Variants in RBM27 observed in about 807,000 individuals in gnomAD.
RBM27 encodes RNA-binding protein 27.
In RBM27, 22 loss-of-function variants were observed where a neutral mutation model predicts 135.3. That is an observed-to-expected ratio of 0.16 (90% confidence interval 0.12 to 0.23). RBM27 has a LOEUF of 0.23. RBM27 is among the 10% of genes least tolerant of loss of function. RBM27 has a pLI of 1.00. For synonymous variants in RBM27, 481 were observed against 442.4 expected (o/e 1.09, Z -1.10); for missense variants, 1,009 against 1,281.0 (o/e 0.79, Z 3.24).
At chr5:146,283,482 A>C (rs1438688885) in intron 19 of RBM27, among the ~76,000 whole-genome samples, 1 of 151,954 alleles carries the variant, frequency 6.6e-6, no homozygotes, top group Non-Finnish European at 1.5e-5. Context: ...GGCTGCAGTG[A>C]GTGTGATCTT....
At chr5:146,207,462 C>T (rs2126665775) in intron 1 of RBM27, among the ~76,000 whole-genome samples, 1 of 151,844 alleles carries the variant, frequency 6.6e-6, no homozygotes, top group South Asian at 2.1e-4. Flanking sequence ...GATCCACCTG[C>T]TTGGCCTTCC....
rs1315486020 is a variant in RBM27 at position 146,230,584 on chromosome 5, AAAAT to A, written c.590-67_590-64del. 2.7e-6 allele frequency: 4 copies of A among 1,472,806 alleles called. No homozygotes were observed. In the African/African-American group the frequency reaches 4.2e-5, roughly 16 times the overall value. The allele number at this position is 1,472,806 out of a possible 1,614,324, so 91.2% of individuals were successfully genotyped here. ...AACATTCTCATGTTTTCTATGTGAG[AAAAT>A]AAATATAGTTTAAGAACATGAAATA... is the stretch of plus-strand genomic sequence containing the variant. On this transcript the variant is annotated intron_variant, in intron 5 of 20. Transcript: ENST00000265271.
intron 7 of RBM27, among the ~76,000 whole-genome samples, chr5:146,234,968 G>T (rs908467166): frequency 2.6e-5 from 4 of 151,522 alleles, no homozygotes; most frequent in African/African-American, 7.3e-5. Flanking sequence ...TGGGAGACAG[G>T]TTGCAGTGAG....
At position 146,288,656 on chromosome 5, in the gene RBM27, T is replaced by C. The variant is rs1156316062; in HGVS notation, c.*2626T>C. ...CTAAAGCAAGTTCTGTCCCTCTTAA[T>C]GTGTATGACATCTTTTTAAGTAGCT... On this transcript the variant is annotated 3_prime_UTR_variant, in exon 21 of 21. Coordinates refer to ENST00000265271, the MANE Select transcript of RBM27 (RefSeq NM_018989.2). 6.6e-6 allele frequency: 1 copy of C among 152,124 alleles called. No individual in the cohort carries two copies. The highest frequency in any genetic ancestry group is 1.5e-5 in the Non-Finnish European group (1 of 67,954). 9.4% of individuals were successfully genotyped at this position (152,124 alleles called of 1,614,324 possible). A position where few individuals can be genotyped will look rare whatever the true frequency, so the allele number is the denominator to read the frequency against.
chr5:146,279,976 G>T (rs1183298904), intron 19 of RBM27, among the ~76,000 whole-genome samples: 1 of 151,822 alleles, frequency 6.6e-6, no homozygotes, highest in African/African-American at 2.4e-5. Context: ...TTACGAAAAT[G>T]TGATCGTATT....
Position 146,286,753 on chromosome 5 carries a change from G to A in RBM27, c.*723G>A, listed in dbSNP as rs2126932040. 6.6e-6 allele frequency: 1 copy of A among 152,152 alleles called. No individual in the cohort carries two copies. 9.4% of individuals were successfully genotyped at this position (152,152 alleles called of 1,614,324 possible). On this transcript the variant is annotated 3_prime_UTR_variant, in exon 21 of 21. Transcript: ENST00000265271. Reference sequence around the variant, plus strand: ...GATTCTTAGTTTGCTTTGATATTTAGTGAGCGCTGGTTCGGCTGGTCTTTT... The same window carrying A: ...GATTCTTAGTTTGCTTTGATATTTAATGAGCGCTGGTTCGGCTGGTCTTTT...
In RBM27 at chr5:146,267,741, T is replaced by A; in HGVS notation, c.2424T>A (p.Asp808Glu). The change falls in exon 15 of 21, where the codon GAT becomes GAA. Residue 808 changes from aspartate (D) to glutamate (E), a missense_variant. Asp to Glu is a conservative substitution (Grantham distance 45). This residue lies in a region of RBM27 where 355 missense variants were observed against 427.3 expected (regional missense o/e 0.83). Transcript: ENST00000265271. ...SKLCSGSKSHDVQEVLKKKQE... is the reference protein window; with the variant it reads ...SKLCSGSKSHEVQEVLKKKQE... ...TCTGTTCAGGGTCTAAATCTCATGA[T>A]GTTCAAGAAGTGCTTAAAAAAAAAC... The A allele has an allele frequency of 6.2e-7, 1 of 1,609,198 alleles. No individual in the cohort carries two copies. The highest frequency in any genetic ancestry group is 8.5e-7 in the Non-Finnish European group (1 of 1,178,248).
At chr5:146,271,864 C>T (rs1423563365) in intron 19 of RBM27, among the ~76,000 whole-genome samples, 190 bp downstream of exon 19, 1 of 152,194 alleles carries the variant, frequency 6.6e-6, no homozygotes, top group African/African-American at 2.4e-5. Flanking sequence ...TTCCATAATA[C>T]TCCACTTAAG....
chr5:146,220,945 C>T (rs1406634961), intron 2 of RBM27, among the ~76,000 whole-genome samples: 4 of 151,908 alleles, frequency 2.6e-5, no homozygotes, highest in Admixed American at 2.0e-4. Context: ...TGGCCAGGCG[C>T]GGTGGCTCAT....
intron 14 of RBM27, 142 bp from the exon 15 acceptor site, chr5:146,267,507 A>G: frequency 3.5e-6 from 2 of 568,870 alleles, no homozygotes; most frequent in Admixed American, 3.5e-5. Context: ...ACTAGATTTT[A>G]TAATGAAATT....
intron 19 of RBM27, among the ~76,000 whole-genome samples, chr5:146,278,573 G>GGCAAAAGTT (rs1759193037): frequency 6.6e-6 from 1 of 151,954 alleles, no homozygotes; most frequent in African/African-American, 2.4e-5. Flanking sequence ...TTTGCCATAT[G>GGCAAAAGTT]TACTTTTACT....
At chr5:146,255,946 C>T (rs1027052133) in intron 10 of RBM27, among the ~76,000 whole-genome samples, 2 of 151,588 alleles carry the variant, frequency 1.3e-5, no homozygotes, top group Non-Finnish European at 2.9e-5. Flanking sequence ...ACCTCTGCCT[C>T]CCAAGTTCAA....
chr5:146,204,999 G>A (rs1561517458), intron 1 of RBM27, among the ~76,000 whole-genome samples: 1 of 152,182 alleles, frequency 6.6e-6, no homozygotes. Context: ...CCGGGTTCAA[G>A]CGATTCTCCT....
At chr5:146,238,544 A>T (rs949046062) in intron 8 of RBM27, among the ~76,000 whole-genome samples, 1 of 152,128 alleles carries the variant, frequency 6.6e-6, no homozygotes, top group Non-Finnish European at 1.5e-5. Context: ...CTGGAATCCT[A>T]ATTCTCTTTT....
chr5:146,240,204 C>T (rs1757344284), intron 8 of RBM27, among the ~76,000 whole-genome samples: 1 of 151,704 alleles, frequency 6.6e-6, no homozygotes, highest in Non-Finnish European at 1.5e-5. Flanking sequence ...ACTTTCCCCC[C>T]CAATCTTCTT....
chr5:146,265,122 A>G (rs1207790463), intron 14 of RBM27, among the ~76,000 whole-genome samples: 1 of 152,188 alleles, frequency 6.6e-6, no homozygotes, highest in Non-Finnish European at 1.5e-5. Context: ...TACCAGCCAA[A>G]ATATGGAAAG....
At position 146,270,796 on chromosome 5, in the gene RBM27, A is replaced by G. The variant is rs552497715; in HGVS notation, c.2692-158A>G. 2.0e-4 allele frequency among the ~76,000 whole-genome samples: 31 copies of G among 152,292 alleles called. 1 individual carries two copies. The highest frequency in any genetic ancestry group is 2.0e-3 in the Admixed American group (30 of 15,296). Reference sequence around the variant, plus strand: ...ATACTTTTTACATGTTGGCACTACTATATCTGTAAAGTTACTTTTTTAAAA... The same window carrying G: ...ATACTTTTTACATGTTGGCACTACTGTATCTGTAAAGTTACTTTTTTAAAA... On this transcript the variant is annotated intron_variant, in intron 17 of 20. Transcript: ENST00000265271.
intron 10 of RBM27, among the ~76,000 whole-genome samples, chr5:146,255,419 C>G (rs1758061394): frequency 6.6e-6 from 1 of 152,200 alleles, no homozygotes; most frequent in Admixed American, 6.5e-5. Flanking sequence ...GATGAAATTA[C>G]TGATCCCCTG....
intron 1 of RBM27, among the ~76,000 whole-genome samples, chr5:146,211,677 C>T (rs962792444): frequency 1.6e-4 from 24 of 151,684 alleles, no homozygotes; most frequent in African/African-American, 5.6e-4. Flanking sequence ...GACAAGGTTG[C>T]TCCATGTTGG....
Sources: allele counts gnomAD v4.1 joint callset (sites outside exome capture counted in the v4.1 genomes callset), GRCh38; gene constraint gnomAD v4.1.1; regional missense constraint gnomAD v4.1.1; transcripts MANE v1.5; gene names NCBI Gene and HGNC (gene_info 2026-07-23, HGNC 2026-07-21).